The following ROR1 variants were observed in gnomAD, a reference collection of about 807,000 sequenced individuals.
ROR1 encodes ROR family WNT receptor 1.
A neutral mutation model predicts 78.8 loss-of-function variants in ROR1; 19 were observed. That is an observed-to-expected ratio of 0.24 (90% confidence interval 0.17 to 0.35). ROR1 has a LOEUF of 0.35. Ranked by LOEUF, ROR1 falls within the 10% of genes least tolerant of loss-of-function variation. ROR1 has a pLI of 1.00. For missense variants in ROR1, 917 were observed against 1,177.8 expected, an observed-to-expected ratio of 0.78 and a Z score of 3.24; for synonymous variants, 386 against 433.6, an observed-to-expected ratio of 0.89 and a Z score of 1.36.
intron 4 of ROR1, among the ~76,000 whole-genome samples, chr1:64,091,060 G>A (rs1647192933): frequency 6.6e-6 from 1 of 152,120 alleles, no homozygotes; most frequent in African/African-American, 2.4e-5. Flanking sequence ...ATGGTTAGAG[G>A]CAGCTAGGAT....
chr1:63,956,962 C>T (rs779212838), intron 1 of ROR1, among the ~76,000 whole-genome samples: 1 of 152,140 alleles, frequency 6.6e-6, no homozygotes, highest in Non-Finnish European at 1.5e-5. Context: ...AGTGCTACCT[C>T]CTTCCTAGTT....
chr1:64,057,596 C>G (rs963255073), intron 4 of ROR1, among the ~76,000 whole-genome samples: 2 of 152,144 alleles, frequency 1.3e-5, no homozygotes, highest in Admixed American at 6.5e-5. Flanking sequence ...CCTCTTAAGG[C>G]CTTTCATCTG....
intron 4 of ROR1, among the ~76,000 whole-genome samples, chr1:64,122,132 G>A (rs369098443): frequency 1.3e-5 from 2 of 152,274 alleles, no homozygotes; most frequent in East Asian, 3.9e-4. Flanking sequence ...GTCTGAACCC[G>A]AGATGTTGAG....
intron 1 of ROR1, among the ~76,000 whole-genome samples, chr1:63,833,511 C>T (rs536645559): frequency 1.3e-5 from 2 of 152,132 alleles, no homozygotes; most frequent in Non-Finnish European, 2.9e-5. Flanking sequence ...GGGGAAGCTC[C>T]CAGGGCCCAG....
intron 4 of ROR1, among the ~76,000 whole-genome samples, chr1:64,090,815 C>CT (rs959226156): frequency 6.6e-6 from 1 of 152,062 alleles, no homozygotes; most frequent in African/African-American, 2.4e-5. Flanking sequence ...TAAAGTTGCC[C>CT]TTTTTTCCCT....
intron 1 of ROR1, among the ~76,000 whole-genome samples, chr1:63,876,431 C>T (rs1005770131): frequency 1.3e-5 from 2 of 152,138 alleles, no homozygotes; most frequent in Admixed American, 1.3e-4. Context: ...TCTGCCCCCT[C>T]TTCCCCCAAC....
chr1:64,147,828 G>C (rs1649514580), intron 7 of ROR1, among the ~76,000 whole-genome samples: 1 of 152,140 alleles, frequency 6.6e-6, no homozygotes, highest in African/African-American at 2.4e-5. Context: ...CTACACCAGT[G>C]ATTCTCAACC....
At chr1:64,163,464 A>C (rs1650003015) in intron 8 of ROR1, among the ~76,000 whole-genome samples, 1 of 152,144 alleles carries the variant, frequency 6.6e-6, no homozygotes, top group Admixed American at 6.5e-5. Flanking sequence ...GGCGAGGAAG[A>C]GTCAAGGCAG....
chr1:64,005,482 G>A (rs148225687), intron 1 of ROR1, among the ~76,000 whole-genome samples: 210 of 152,336 alleles, frequency 1.4e-3, no homozygotes, highest in Non-Finnish European at 2.5e-3. Context: ...TTGGTGAAGA[G>A]AGGCTGCCAG....
intron 1 of ROR1, among the ~76,000 whole-genome samples, chr1:63,920,879 GC>G (rs1645648956): frequency 6.6e-6 from 1 of 152,210 alleles, no homozygotes; most frequent in Non-Finnish European, 1.5e-5. Flanking sequence ...TAGGAAGGCA[GC>G]TACCTTCATG....
At chr1:63,891,669 A>G (rs768582384) in intron 1 of ROR1, among the ~76,000 whole-genome samples, 6 of 152,162 alleles carry the variant, frequency 3.9e-5, no homozygotes, top group Non-Finnish European at 7.3e-5. Flanking sequence ...AGTATGCATC[A>G]TCCAATCTGC....
chr1:64,101,251 C>T (rs1021754365), intron 4 of ROR1, among the ~76,000 whole-genome samples: 4 of 152,026 alleles, frequency 2.6e-5, no homozygotes, highest in South Asian at 2.1e-4. Context: ...TGCCTGAGGC[C>T]GTGGAGAGGC....
chr1:64,113,945 A>G (rs773170048), intron 4 of ROR1, among the ~76,000 whole-genome samples: 6 of 152,144 alleles, frequency 3.9e-5, no homozygotes, highest in Non-Finnish European at 8.8e-5. Flanking sequence ...ATGAAGATAA[A>G]AACACTCTTA....
chr1:64,051,673 C>A (rs1476181026), intron 4 of ROR1, among the ~76,000 whole-genome samples: 1 of 152,036 alleles, frequency 6.6e-6, no homozygotes, highest in African/African-American at 2.4e-5. Context: ...GGATTCTCAT[C>A]TTTCACTTTA....
intron 4 of ROR1, among the ~76,000 whole-genome samples, chr1:64,067,710 C>CTT (rs986756579): frequency 8.0e-4 from 84 of 105,622 alleles, no homozygotes; most frequent in African/African-American, 9.8e-4. Flanking sequence ...TAAATAAATT[C>CTT]TTTTTTTTTT....
chr1:64,171,988 GTCACCTAAGGTATAACTTCCCAAA>G (rs1650256203), intron 8 of ROR1, among the ~76,000 whole-genome samples: 1 of 152,138 alleles, frequency 6.6e-6, no homozygotes, highest in African/African-American at 2.4e-5. Flanking sequence ...CAAATGTATT[GTCACCTAAGGTATAACTTCCCAAA>G]GATGGAAAGA....
At chr1:63,832,807 G>A (rs571640049) in intron 1 of ROR1, among the ~76,000 whole-genome samples, 2 of 152,138 alleles carry the variant, frequency 1.3e-5, no homozygotes, top group Non-Finnish European at 2.9e-5. Flanking sequence ...TCAGAAGACG[G>A]CACTCAGCTA....
chr1:63,903,772 TA>T (rs1266846399), intron 1 of ROR1, among the ~76,000 whole-genome samples: 3 of 151,964 alleles, frequency 2.0e-5, no homozygotes, highest in African/African-American at 7.3e-5. Flanking sequence ...TATATTTTTA[TA>T]TATAGATATA....
At chr1:63,804,065 A>G (rs1159234835) in intron 1 of ROR1, among the ~76,000 whole-genome samples, 1 of 152,136 alleles carries the variant, frequency 6.6e-6, no homozygotes, top group African/African-American at 2.4e-5. Flanking sequence ...CATTCCCAAA[A>G]TAACAAAATT....
Sources: gnomAD v4.1 joint callset for allele counts (sites outside exome capture counted in the v4.1 genomes callset) on GRCh38, gnomAD v4.1.1 for gene constraint, MANE v1.5 for transcripts, NCBI Gene and HGNC (gene_info 2026-07-23, HGNC 2026-07-21) for gene names.